Variants in COL3A1 observed in about 807,000 individuals in gnomAD.
COL3A1 encodes collagen type III alpha 1 chain, also known as collagen alpha-1(III) chain.
In COL3A1, 46 loss-of-function variants were observed where a neutral mutation model predicts 200.9. The observed-to-expected ratio is 0.23, with a 90% confidence interval of 0.18 to 0.29. The LOEUF (loss-of-function observed/expected upper bound fraction) is 0.29. Among genes scored for constraint, COL3A1 ranks in the 10% least tolerant of loss-of-function variants. The probability of loss-of-function intolerance (pLI) is 1.00; values close to 1 mark genes in which losing one functional copy is unlikely to be tolerated. For missense variants in COL3A1, 1,367 were observed against 1,917.6 expected (o/e 0.71, Z 5.36); for synonymous variants, 650 against 628.0 (o/e 1.03, Z -0.52).
intron 6 of COL3A1, 149 bp downstream of exon 6, chr2:188,988,283 G>A (rs1297219930): frequency 4.0e-6 from 3 of 759,058 alleles, no homozygotes; most frequent in Non-Finnish European, 6.8e-6. Flanking sequence ...CTTCAAAGAT[G>A]GAATTCCATA....
intron 1 of COL3A1, among the ~76,000 whole-genome samples, chr2:188,975,882 C>T (rs1273437970): frequency 6.6e-6 from 1 of 151,854 alleles, no homozygotes; most frequent in Admixed American, 6.6e-5. Flanking sequence ...CTCATCACCC[C>T]ACCCCTTCCT....
chr2:188,998,383 C>T (rs1436522110), intron 28 of COL3A1, 64 bp downstream of exon 28: 2 of 1,360,052 alleles, frequency 1.5e-6, no homozygotes, highest in Admixed American at 1.8e-5. Flanking sequence ...TGTTTGTCAA[C>T]TATTAACTTC....
chr2:189,011,977 T>G lies in COL3A1; in HGVS notation c.*203T>G. 1.6e-6 allele frequency: 1 copy of G among 606,510 alleles called. No individual in the cohort carries two copies. The allele number at this position is 606,510 out of a possible 1,614,324, so 37.6% of individuals were successfully genotyped here. On this transcript the variant is annotated 3_prime_UTR_variant, in exon 51 of 51. Coordinates refer to ENST00000304636, the MANE Select transcript of COL3A1 (RefSeq NM_000090.4). ...CCAAATACAATTCAAATGCTTTTTG[T>G]TTTATTTTTTTACCAATTCCAATTT...
chr2:188,983,557 G>A (rs1687998846), intron 1 of COL3A1, among the ~76,000 whole-genome samples: 1 of 151,960 alleles, frequency 6.6e-6, no homozygotes, highest in Non-Finnish European at 1.5e-5. Context: ...GTGATCTTTT[G>A]TGGCTGCATG....
intron 28 of COL3A1, 123 bp from the exon 29 acceptor site, chr2:188,998,551 A>G (rs898801277): frequency 6.6e-5 from 72 of 1,091,634 alleles, no homozygotes; most frequent in Non-Finnish European, 9.9e-5. Flanking sequence ...ATTATACAGT[A>G]TGCCAACATG....
At chr2:188,996,244 C>A (rs1316816708) in intron 23 of COL3A1, 66 bp downstream of exon 23, 6 of 1,338,226 alleles carry the variant, frequency 4.5e-6, no homozygotes, top group South Asian at 1.2e-5. Context: ...GTTGGCCTAT[C>A]CTTGAGTGTG....
intron 36 of COL3A1, 42 bp downstream of exon 36, chr2:189,003,104 A>T (rs527665410): frequency 3.5e-6 from 5 of 1,411,642 alleles, no homozygotes; most frequent in Non-Finnish European, 3.9e-6. Flanking sequence ...TCTATCATCT[A>T]TCTATCTATT....
At chr2:189,003,548 C>T in intron 37 of COL3A1, 84 bp downstream of exon 37, 1 of 1,421,386 alleles carries the variant, frequency 7.0e-7, no homozygotes, top group Non-Finnish European at 9.9e-7. Context: ...ACACTAGTTC[C>T]ATAAAGAGAA....
intron 14 of COL3A1, 152 bp from the exon 15 acceptor site, chr2:188,992,735 C>A: frequency 1.4e-6 from 1 of 708,916 alleles, no homozygotes; most frequent in Non-Finnish European, 2.5e-6. Flanking sequence ...TATTTTACCA[C>A]ATTGTTTCTC....
At position 189,011,959 on chromosome 2, in the gene COL3A1, C is replaced by G; in HGVS notation, c.*185C>G. 1 of 644,154 alleles carries G rather than the reference C, an allele frequency of 1.6e-6. No individual in the cohort carries two copies. Among genetic ancestry groups the G allele is most frequent in the South Asian group, 2.0e-5 (1 of 50,792 alleles). 39.9% of individuals were successfully genotyped at this position (644,154 alleles called of 1,614,324 possible). ...TCTTTTTTTGCTGTTCCACCAAATA[C>G]AATTCAAATGCTTTTTGTTTTATTT... On this transcript the variant is annotated 3_prime_UTR_variant, in exon 51 of 51. Transcript: ENST00000304636.
chr2:188,998,832 A>C, intron 29 of COL3A1, 114 bp downstream of exon 29: 1 of 979,092 alleles, frequency 1.0e-6, no homozygotes, highest in Non-Finnish European at 1.6e-6. Context: ...GCATCATTGC[A>C]AATGTTTGGT....
chr2:188,987,383 T>C (rs1688085621), intron 5 of COL3A1, among the ~76,000 whole-genome samples: 2 of 151,942 alleles, frequency 1.3e-5, no homozygotes, highest in African/African-American at 2.4e-5. Context: ...TCAACACTTA[T>C]TAACATCTCA....
chr2:188,990,444 G>A lies in COL3A1; in HGVS notation c.798+84G>A, dbSNP rs139096232. 5 of 1,049,206 alleles carry A rather than the reference G, an allele frequency of 4.8e-6. No individual in the cohort carries two copies. In the African/African-American group the frequency reaches 6.3e-5, roughly 13 times the overall value. 65.0% of individuals were successfully genotyped at this position (1,049,206 alleles called of 1,614,324 possible). ...AACCAATTTTACTGGACAATTATGTGCCAAAAAATATGATTCTGACAATTA... is the reference window on the plus strand; with the variant it reads ...AACCAATTTTACTGGACAATTATGTACCAAAAAATATGATTCTGACAATTA... On this transcript the variant is annotated intron_variant, in intron 10 of 50. Transcript: ENST00000304636.
chr2:189,010,398 C>A (rs1688695618), intron 49 of COL3A1, 33 bp downstream of exon 49: 2 of 1,604,804 alleles, frequency 1.2e-6, no homozygotes, highest in South Asian at 1.1e-5. Context: ...TTAAATAAGT[C>A]ACCTCTATAT....
At position 188,988,278 on chromosome 2, in the gene COL3A1, A is replaced by G. The variant is rs1576462241; in HGVS notation, c.582+144A>G. The G allele has an allele frequency of 5.2e-6, 4 of 776,062 alleles. No homozygotes were observed. The East Asian group carries it at 8.0e-5, about 15-fold the overall frequency. 48.1% of individuals were successfully genotyped at this position (776,062 alleles called of 1,614,324 possible). ...AACCAAGAAACTGATTAAGGCTTCA[A>G]AGATGGAATTCCATATTTAATTCCT... On this transcript the variant is annotated intron_variant, in intron 6 of 50. Coordinates refer to ENST00000304636, the MANE Select transcript of COL3A1 (RefSeq NM_000090.4).
chr2:188,974,426 G>A lies in COL3A1; in HGVS notation c.-64G>A. 3 of 1,250,116 alleles carry A rather than the reference G, an allele frequency of 2.4e-6. No homozygotes were observed. Among genetic ancestry groups the A allele is most frequent in the Non-Finnish European group, 3.5e-6 (3 of 855,664 alleles). 77.4% of individuals were successfully genotyped at this position (1,250,116 alleles called of 1,614,324 possible). ...GAAGGGCAGGGAACAACTTGATGGT[G>A]CTACTTTGAACTGCTTTTCTTTTCT... On this transcript the variant is annotated 5_prime_UTR_variant, in exon 1 of 51. Transcript: ENST00000304636.
chr2:188,993,299 G>C (rs1442794443), intron 15 of COL3A1, 62 bp from the exon 16 acceptor site: 9 of 1,364,904 alleles, frequency 6.6e-6, no homozygotes, highest in African/African-American at 1.4e-5. Context: ...GGACTGAAGG[G>C]TGAAGTGGCT....
At chr2:189,005,610 G>A (rs779362899) in intron 41 of COL3A1, 153 bp downstream of exon 41, 37 of 717,436 alleles carry the variant, frequency 5.2e-5, no homozygotes, top group South Asian at 4.3e-4. Flanking sequence ...TTACAATTTA[G>A]GATAGACTTA....
chr2:189,011,000 G>A lies in COL3A1; in HGVS notation c.4254+110G>A, dbSNP rs1045515237. On this transcript the variant is annotated intron_variant, in intron 50 of 50. Coordinates refer to ENST00000304636, the MANE Select transcript of COL3A1 (RefSeq NM_000090.4). ...AAATTAATAGGATGAAATAAAGATA[G>A]CATTTGGTATGAATTACATACATTG... 9 of 1,420,888 alleles carry A rather than the reference G, an allele frequency of 6.3e-6. No individual in the cohort carries two copies. In the African/African-American group the frequency reaches 1.1e-4, roughly 18 times the overall value. The allele number at this position is 1,420,888 out of a possible 1,614,324, so 88.0% of individuals were successfully genotyped here.
Sources: allele counts gnomAD v4.1 joint callset (sites outside exome capture counted in the v4.1 genomes callset), GRCh38; gene constraint gnomAD v4.1.1; transcripts MANE v1.5; gene names NCBI Gene and HGNC (gene_info 2026-07-23, HGNC 2026-07-21).